Variants in PRKG1 observed in about 807,000 individuals in gnomAD.
PRKG1 encodes protein kinase cGMP-dependent 1.
In PRKG1, 35 loss-of-function variants were observed where a neutral mutation model predicts 88.1. The observed-to-expected ratio is 0.40, with a 90% CI of 0.30 to 0.53. The LOEUF (loss-of-function observed/expected upper bound fraction) is 0.53, where lower values mean the gene tolerates loss of function less well. PRKG1 is among the 20% of genes least tolerant of loss of function. The pLI is 0.59. For missense variants in PRKG1, 540 were observed against 839.8 expected (o/e 0.64, Z 4.41); for synonymous variants, 303 against 292.5 (o/e 1.04, Z -0.37).
At chr10:52,089,801 C>CTTCTTTTTTTTTTTT (rs1847005156) in intron 7 of PRKG1, among the ~76,000 whole-genome samples, 1 of 78,464 alleles carries the variant, frequency 1.3e-5, no homozygotes, top group African/African-American at 5.1e-5. Context: ...TGTTTCTTTC[C>CTTCTTTTTTTTTTTT]TTCTTTTTTT....
intron 2 of PRKG1, among the ~76,000 whole-genome samples, chr10:51,163,683 C>T (rs1205756046): frequency 6.6e-6 from 1 of 152,250 alleles, no homozygotes; most frequent in Non-Finnish European, 1.5e-5. Flanking sequence ...AATCGGGTCA[C>T]TCCCACCCTA....
At chr10:52,013,235 G>A (rs867899355) in intron 5 of PRKG1, among the ~76,000 whole-genome samples, 16 of 152,066 alleles carry the variant, frequency 1.1e-4, no homozygotes, top group Admixed American at 3.3e-4. Flanking sequence ...TGGCTAACAC[G>A]GTGAAACCCC....
At chr10:51,961,192 G>A (rs922209883) in intron 5 of PRKG1, among the ~76,000 whole-genome samples, 2 of 152,094 alleles carry the variant, frequency 1.3e-5, no homozygotes, top group Non-Finnish European at 2.9e-5. Context: ...ATTGTGGGGG[G>A]AGGATTGGTT....
chr10:51,936,363 T>C (rs1014907950), intron 5 of PRKG1, among the ~76,000 whole-genome samples: 1 of 152,112 alleles, frequency 6.6e-6, no homozygotes, highest in East Asian at 1.9e-4. Context: ...AACATTTCTT[T>C]CATATAATGC....
chr10:51,858,662 T>C (rs1840783560), intron 4 of PRKG1, among the ~76,000 whole-genome samples: 1 of 151,314 alleles, frequency 6.6e-6, no homozygotes, highest in Non-Finnish European at 1.5e-5. Context: ...CCTGTGCGTT[T>C]ATTAGCAAAC....
intron 4 of PRKG1, among the ~76,000 whole-genome samples, chr10:51,823,370 G>A (rs141257803): frequency 1.3e-5 from 2 of 152,186 alleles, no homozygotes; most frequent in Non-Finnish European, 2.9e-5. Flanking sequence ...CTTCTGTATG[G>A]CATATAGGGT....
At chr10:51,398,521 G>A (rs957498927) in intron 2 of PRKG1, among the ~76,000 whole-genome samples, 2 of 152,188 alleles carry the variant, frequency 1.3e-5, no homozygotes, top group Admixed American at 1.3e-4. Context: ...TAGGTGTCTA[G>A]TCAGACAGTG....
At chr10:51,131,382 A>G (rs1564612426) in intron 1 of PRKG1, among the ~76,000 whole-genome samples, 1 of 152,194 alleles carries the variant, frequency 6.6e-6, no homozygotes, top group Admixed American at 6.5e-5. Context: ...TAACAGTACT[A>G]CAGATAACTG....
At chr10:51,665,736 C>T (rs1840406440) in intron 3 of PRKG1, among the ~76,000 whole-genome samples, 1 of 151,426 alleles carries the variant, frequency 6.6e-6, no homozygotes, top group East Asian at 1.9e-4. Context: ...CTTCTTCCTT[C>T]ATTTTTTAAA....
intron 1 of PRKG1, among the ~76,000 whole-genome samples, chr10:51,120,035 C>T (rs997174961): frequency 6.6e-6 from 1 of 151,998 alleles, no homozygotes; most frequent in African/African-American, 2.4e-5. Context: ...TTTCAAATTT[C>T]CCTTTTGCAT....
chr10:51,554,668 T>A lies in PRKG1; in HGVS notation c.592+86832T>A, dbSNP rs141292074. Among the ~76,000 whole-genome samples, 187 of 143,754 alleles carry A rather than the reference T, an allele frequency of 1.3e-3. 1 individual carries two copies. The highest frequency in any genetic ancestry group is 4.8e-3 in the African/African-American group (184 of 38,568). 94.3% of individuals were successfully genotyped at this position (143,754 alleles called of 152,430 possible). A position where few individuals can be genotyped will look rare whatever the true frequency, so the allele number is the denominator to read the frequency against. Reference sequence around the variant, plus strand: ...TCACTGGTTTCCTTGTGTTTCTCCCTCTATTAGACTATGTGCATTTTAAGG... The same window carrying A: ...TCACTGGTTTCCTTGTGTTTCTCCCACTATTAGACTATGTGCATTTTAAGG... On this transcript the variant is annotated intron_variant, in intron 3 of 17. Coordinates refer to ENST00000373980, the MANE Select transcript of PRKG1 (RefSeq NM_006258.4).
chr10:51,951,165 T>C (rs1843174700), intron 5 of PRKG1, among the ~76,000 whole-genome samples: 1 of 152,216 alleles, frequency 6.6e-6, no homozygotes, highest in Non-Finnish European at 1.5e-5. Flanking sequence ...TTTTCAGCCT[T>C]CAGGCTGTTT....
At chr10:52,174,405 G>A (rs1174956509) in intron 9 of PRKG1, among the ~76,000 whole-genome samples, 1 of 151,854 alleles carries the variant, frequency 6.6e-6, no homozygotes, top group Non-Finnish European at 1.5e-5. Context: ...CATACACATT[G>A]ATTAATATTA....
At chr10:51,026,710 A>G (rs759497980) in intron 1 of PRKG1, among the ~76,000 whole-genome samples, 4 of 152,168 alleles carry the variant, frequency 2.6e-5, no homozygotes, top group Non-Finnish European at 4.4e-5. Flanking sequence ...TTAAAGGTAC[A>G]TCTTATCCTA....
rs183465476 is a variant in PRKG1 at position 51,197,998 on chromosome 10, G to A, written c.478+44668G>A. On this transcript the variant is annotated intron_variant, in intron 2 of 17. Transcript: ENST00000373980. The stretch of plus-strand genomic sequence containing the variant: ...ATCCTCTCAAATCTGTGGTGAAAGA[G>A]AAGACAAAGGTAAGAGCTTTTGGTA... Among the ~76,000 whole-genome samples, 347 of 152,092 alleles carry A rather than the reference G, an allele frequency of 2.3e-3. 4 individuals are homozygous for A. The highest frequency in any genetic ancestry group is 0.022 in the Admixed American group (332 of 15,274).
chr10:51,945,277 C>G (rs558266389), intron 5 of PRKG1, among the ~76,000 whole-genome samples: 1 of 150,620 alleles, frequency 6.6e-6, no homozygotes, highest in African/African-American at 2.5e-5. Flanking sequence ...AGGATTGCAA[C>G]CCCAGCCTTT....
rs192309213 is a variant in PRKG1, at chr10:51,094,716, C to G, written c.311+19815C>G. Among the ~76,000 whole-genome samples the G allele has an allele frequency of 1.5e-3, 226 of 152,170 alleles. 1 individual carries two copies. Among genetic ancestry groups the G allele is most frequent in the African/African-American group, 3.9e-3 (161 of 41,516 alleles). On this transcript the variant is annotated intron_variant, in intron 1 of 17. Coordinates refer to ENST00000373980, the MANE Select transcript of PRKG1 (RefSeq NM_006258.4). The stretch of plus-strand genomic sequence containing the variant: ...TAGGAAACACAAAAGCTGCCGAAAC[C>G]CTTGTGGCCAAATTAGGTTGGGTTT...
At chr10:51,723,213 G>A (rs982603148) in intron 3 of PRKG1, among the ~76,000 whole-genome samples, 2 of 152,052 alleles carry the variant, frequency 1.3e-5, no homozygotes, top group African/African-American at 2.4e-5. Flanking sequence ...AGAAAGACTT[G>A]GAATCAACCC....
intron 3 of PRKG1, among the ~76,000 whole-genome samples, chr10:51,631,191 G>T (rs970993606): frequency 9.2e-5 from 14 of 152,116 alleles, no homozygotes; most frequent in Admixed American, 2.6e-4. Context: ...AGAGTCTTCT[G>T]CTGTCTCATC....
Sources: gnomAD v4.1 joint callset for allele counts (sites outside exome capture counted in the v4.1 genomes callset) on GRCh38, gnomAD v4.1.1 for gene constraint, MANE v1.5 for transcripts, NCBI Gene and HGNC (gene_info 2026-07-23, HGNC 2026-07-21) for gene names.